Variants in ABTB2 observed in about 807,000 individuals in gnomAD.
ABTB2 encodes the protein ankyrin repeat and BTB/POZ domain-containing protein 2.
In ABTB2, 56 loss-of-function variants were observed where a neutral mutation model predicts 104.1. That is an observed-to-expected ratio of 0.54 (90% confidence interval 0.43 to 0.67). The LOEUF (loss-of-function observed/expected upper bound fraction) is 0.67. Among genes scored for constraint, ABTB2 ranks in the 30% least tolerant of loss-of-function variants. The probability of loss-of-function intolerance (pLI) is 0.00; values close to 1 mark genes in which losing one functional copy is unlikely to be tolerated. For missense variants in ABTB2, 1,279 were observed against 1,407.7 expected, an observed-to-expected ratio of 0.91 and a Z score of 1.46; for synonymous variants, 606 against 608.2, an observed-to-expected ratio of 1.00 and a Z score of 0.05.
intron 1 of ABTB2, among the ~76,000 whole-genome samples, chr11:34,224,851 G>C (rs1406789240): frequency 6.6e-6 from 1 of 152,206 alleles, no homozygotes; most frequent in African/African-American, 2.4e-5. Flanking sequence ...AATGATTTGA[G>C]ATAGTGGTAA....
At position 34,261,038 on chromosome 11, in the gene ABTB2, G is replaced by A. The variant is rs1193213053; in HGVS notation, c.884-56348C>T. 2.0e-5 allele frequency among the ~76,000 whole-genome samples: 3 copies of A among 152,084 alleles called. No individual in the cohort carries two copies. The East Asian group carries it at 5.8e-4, about 29-fold the overall frequency. ...CCTGGGAAGCTGAGGTGGAAGAATC[G>A]CTTGAACTTGGGAGGCAGAGGTTGT... On this transcript the variant is annotated intron_variant, in intron 1 of 16. Transcript: ENST00000435224.
intron 1 of ABTB2, among the ~76,000 whole-genome samples, chr11:34,267,613 T>G (rs1275884680): frequency 6.6e-6 from 1 of 152,232 alleles, no homozygotes; most frequent in Non-Finnish European, 1.5e-5. Flanking sequence ...GTTGAAGGTT[T>G]GAAAAGGAAT....
chr11:34,163,608 G>T (rs1282204310), intron 9 of ABTB2, among the ~76,000 whole-genome samples: 2 of 152,178 alleles, frequency 1.3e-5, no homozygotes, highest in East Asian at 3.9e-4. Flanking sequence ...AAGGTTCCTG[G>T]GGGCTGACCT....
At chr11:34,256,021 C>T (rs1854118093) in intron 1 of ABTB2, among the ~76,000 whole-genome samples, 1 of 152,142 alleles carries the variant, frequency 6.6e-6, no homozygotes, top group African/African-American at 2.4e-5. Flanking sequence ...CAAAATGGTG[C>T]AGAACCCACT....
intron 1 of ABTB2, among the ~76,000 whole-genome samples, chr11:34,214,139 A>AAAACAC (rs112616498): frequency 7.2e-5 from 10 of 139,174 alleles, no homozygotes; most frequent in African/African-American, 2.5e-4. Flanking sequence ...GCACATTCAA[A>AAAACAC]ACACACACAC....
chr11:34,217,136 C>T (rs1853559828), intron 1 of ABTB2, among the ~76,000 whole-genome samples: 1 of 152,214 alleles, frequency 6.6e-6, no homozygotes, highest in African/African-American at 2.4e-5. Flanking sequence ...ATGGGATACC[C>T]CTGACCCACA....
intron 2 of ABTB2, among the ~76,000 whole-genome samples, chr11:34,200,193 CAA>C (rs1237739958): frequency 1.3e-5 from 2 of 152,216 alleles, no homozygotes; most frequent in East Asian, 1.9e-4. Flanking sequence ...GAGGAGAAAT[CAA>C]AGAGTCTGTG....
intron 3 of ABTB2, among the ~76,000 whole-genome samples, chr11:34,184,484 A>G (rs1853069951): frequency 6.6e-6 from 1 of 152,206 alleles, no homozygotes; most frequent in Non-Finnish European, 1.5e-5. Context: ...ATCTGTCCTT[A>G]GGAATCAGGC....
chr11:34,167,115 T>C, intron 7 of ABTB2, 144 bp downstream of exon 7: 1 of 704,798 alleles, frequency 1.4e-6, no homozygotes, highest in Middle Eastern at 4.1e-4. Flanking sequence ...TGCTGCTCTA[T>C]CGATCAGGTG....
At chr11:34,174,308 G>A (rs1414960902) in intron 3 of ABTB2, among the ~76,000 whole-genome samples, 1 of 140,046 alleles carries the variant, frequency 7.1e-6, no homozygotes, top group African/African-American at 2.7e-5. Flanking sequence ...CTGGGCGACA[G>A]GGCGAGACTC....
At chr11:34,214,513 G>C (rs1425096011) in intron 1 of ABTB2, among the ~76,000 whole-genome samples, 1 of 146,878 alleles carries the variant, frequency 6.8e-6, no homozygotes, top group Non-Finnish European at 1.5e-5. Context: ...AAAGGAAAAA[G>C]TGAATGTTAA....
intron 1 of ABTB2, among the ~76,000 whole-genome samples, chr11:34,205,003 A>G (rs1853391692): frequency 6.6e-6 from 1 of 152,180 alleles, no homozygotes; most frequent in Non-Finnish European, 1.5e-5. Flanking sequence ...CACTTGCTGA[A>G]TATTTACAGA....
chr11:34,293,652 A>C (rs1400594971), intron 1 of ABTB2, among the ~76,000 whole-genome samples: 1 of 152,164 alleles, frequency 6.6e-6, no homozygotes, highest in African/African-American at 2.4e-5. Flanking sequence ...TGCAGAAAAA[A>C]ATTTGCACAT....
chr11:34,251,880 C>T (rs2133069309), intron 1 of ABTB2, among the ~76,000 whole-genome samples: 1 of 152,252 alleles, frequency 6.6e-6, no homozygotes, highest in South Asian at 2.1e-4. Context: ...GAAAAAGATC[C>T]AAATCATTCC....
At chr11:34,215,560 G>A (rs547650001) in intron 1 of ABTB2, among the ~76,000 whole-genome samples, 7 of 152,114 alleles carry the variant, frequency 4.6e-5, no homozygotes, top group African/African-American at 1.7e-4. Context: ...AGACTCTTCA[G>A]ACAATTAAAG....
intron 1 of ABTB2, among the ~76,000 whole-genome samples, chr11:34,209,378 T>C (rs1015494989): frequency 6.7e-6 from 1 of 149,472 alleles, no homozygotes; most frequent in Non-Finnish European, 1.5e-5. Context: ...GAAAAGAGAA[T>C]AGATAACGTC....
intron 1 of ABTB2, among the ~76,000 whole-genome samples, chr11:34,319,292 C>A (rs919080261): frequency 6.6e-6 from 1 of 152,240 alleles, no homozygotes; most frequent in Non-Finnish European, 1.5e-5. Flanking sequence ...ACAGAGACCT[C>A]CCCCTTTGTG....
intron 3 of ABTB2, among the ~76,000 whole-genome samples, chr11:34,184,921 C>A (rs953456144): frequency 6.6e-6 from 1 of 152,232 alleles, no homozygotes; most frequent in Admixed American, 6.5e-5. Flanking sequence ...CAGGCGGGGA[C>A]CTCCAACCTG....
intron 9 of ABTB2, among the ~76,000 whole-genome samples, chr11:34,164,178 G>A (rs943481751): frequency 3.3e-5 from 5 of 151,914 alleles, no homozygotes; most frequent in Admixed American, 2.0e-4. Flanking sequence ...TTGCCCCTCC[G>A]TGCTGTCCCT....
Sources: gnomAD v4.1 joint callset for allele counts (sites outside exome capture counted in the v4.1 genomes callset) on GRCh38, gnomAD v4.1.1 for gene constraint, MANE v1.5 for transcripts, NCBI Gene and HGNC (gene_info 2026-07-23, HGNC 2026-07-21) for gene names.